GLCCI1: variants seen among roughly 807,000 people sequenced by gnomAD.
GLCCI1 encodes the protein glucocorticoid induced 1, also known as glucocorticoid-induced transcript 1 protein.
A neutral mutation model predicts 52.2 loss-of-function variants in GLCCI1; 24 were observed. The ratio of observed to expected loss-of-function variants is 0.46; its 90% confidence interval spans 0.33 to 0.65. GLCCI1 has a LOEUF of 0.65. Among genes scored for constraint, GLCCI1 ranks in the 30% least tolerant of loss-of-function variants. GLCCI1 has a pLI of 0.02. For synonymous variants in GLCCI1, 310 were observed against 276.5 expected (o/e 1.12, Z -1.20); for missense variants, 704 against 701.5 (o/e 1.00, Z -0.04).
At chr7:8,060,324 C>G (rs779122326) in intron 5 of GLCCI1, 76 bp downstream of exon 5, 29 of 1,170,324 alleles carry the variant, frequency 2.5e-5, no homozygotes, top group Non-Finnish European at 3.5e-5. Flanking sequence ...TTCTTGGTAA[C>G]AGCTTTGTTA....
intron 3 of GLCCI1, among the ~76,000 whole-genome samples, chr7:8,040,053 CAG>C (rs1220073388): frequency 6.7e-6 from 1 of 149,434 alleles, no homozygotes; most frequent in African/African-American, 2.5e-5. Flanking sequence ...ATCCATGTAA[CAG>C]AACTGCACTT....
At chr7:8,041,750 C>G (rs1355914780) in intron 3 of GLCCI1, among the ~76,000 whole-genome samples, 2 of 152,070 alleles carry the variant, frequency 1.3e-5, no homozygotes, top group African/African-American at 4.8e-5. Flanking sequence ...ACCACCACAC[C>G]CAGCTAATTG....
rs554870609 is a variant in GLCCI1 at position 7,982,394 on chromosome 7, G to A, written c.457+12587G>A. On this transcript the variant is annotated intron_variant, in intron 1 of 7. Transcript: ENST00000223145. The stretch of plus-strand genomic sequence containing the variant: ...ATACTGATTATATAGGGCACTGAAA[G>A]AACTCAACATTTTCTTTGTATACTT... Among the ~76,000 whole-genome samples the A allele has an allele frequency of 1.0e-3, 153 of 152,206 alleles. 1 individual carries two copies. The highest frequency in any genetic ancestry group is 1.2e-3 in the Non-Finnish European group (82 of 67,992).
At chr7:8,021,702 C>T (rs1781496409) in intron 2 of GLCCI1, among the ~76,000 whole-genome samples, 1 of 152,304 alleles carries the variant, frequency 6.6e-6, no homozygotes, top group Admixed American at 6.5e-5. Context: ...CATGCTCAGC[C>T]TATTGTTTAA....
At chr7:7,978,198 C>T (rs1037269026) in intron 1 of GLCCI1, among the ~76,000 whole-genome samples, 1 of 152,134 alleles carries the variant, frequency 6.6e-6, no homozygotes, top group East Asian at 1.9e-4. Context: ...CTTCCTTTCA[C>T]ATGAAATTTC....
chr7:8,079,539 TTTAA>T (rs1232697636), intron 6 of GLCCI1, among the ~76,000 whole-genome samples: 1 of 151,592 alleles, frequency 6.6e-6, no homozygotes, highest in Admixed American at 6.5e-5. Context: ...TGTTTTCATT[TTTAA>T]TTGTCATATC....
intron 3 of GLCCI1, among the ~76,000 whole-genome samples, chr7:8,040,394 G>A (rs977320290): frequency 6.6e-6 from 1 of 151,980 alleles, no homozygotes; most frequent in African/African-American, 2.4e-5. Flanking sequence ...GTTGAGACAG[G>A]TGGATTGCTT....
chr7:8,029,190 G>A (rs913546785), intron 3 of GLCCI1, among the ~76,000 whole-genome samples: 2 of 152,098 alleles, frequency 1.3e-5, no homozygotes, highest in Admixed American at 6.6e-5. Context: ...GAATATGGAT[G>A]CAAAAATCCT....
chr7:8,085,029 CTTTT>C lies in GLCCI1; in HGVS notation c.1298+15_1298+18del, dbSNP rs1172312895. On this transcript the variant is annotated intron_variant, in intron 7 of 7. Transcript: ENST00000223145. Reference sequence around the variant, plus strand: ...TTTGAGGAAATGGCGTAAGTAATGTCTTTTTTGTCAGCTGGGATCTGCAAAGCTG... The same window carrying C: ...TTTGAGGAAATGGCGTAAGTAATGTCTTGTCAGCTGGGATCTGCAAAGCTG... The C allele has an allele frequency of 6.2e-7, 1 of 1,613,264 alleles. No homozygotes were observed. The highest frequency in any genetic ancestry group is 1.7e-5 in the Admixed American group (1 of 59,818).
chr7:7,980,701 C>G (rs1766025228), intron 1 of GLCCI1: 4 of 740,910 alleles, frequency 5.4e-6, no homozygotes, highest in Non-Finnish European at 9.4e-6. Flanking sequence ...TGACAGTGAT[C>G]AACATGGATC....
Position 8,012,432 on chromosome 7 carries a change from C to CTTT in GLCCI1, c.609+8401_609+8403dup, listed in dbSNP as rs71014746. On this transcript the variant is annotated intron_variant, in intron 2 of 7. Transcript: ENST00000223145. ...CCATTCTGTGGGTTGCCTTTTTATT[C>CTTT]TTTTTTTTTTTTTTTTTTTTTTTTT... 7.4e-4 allele frequency among the ~76,000 whole-genome samples: 52 copies of CTTT among 70,394 alleles called. 7 individuals are homozygous for CTTT. Among genetic ancestry groups the CTTT allele is most frequent in the Admixed American group, 5.6e-3 (26 of 4,602 alleles). The allele number at this position is 70,394 out of a possible 152,430, so 46.2% of individuals were successfully genotyped here.
At chr7:8,069,243 C>G (rs773112991) in intron 5 of GLCCI1, among the ~76,000 whole-genome samples, 1 of 152,068 alleles carries the variant, frequency 6.6e-6, no homozygotes. Context: ...AGAACTGCTG[C>G]CAGTCGGTGT....
rs185784762 is a variant in GLCCI1, at chr7:7,969,109, G to C, written c.-242G>C. 4.2e-4 allele frequency: 95 copies of C among 228,710 alleles called. No homozygotes were observed. The East Asian group carries it at 0.01, about 24-fold the overall frequency. The allele number at this position is 228,710 out of a possible 1,614,324, so 14.2% of individuals were successfully genotyped here. A position where few individuals can be genotyped will look rare whatever the true frequency, so the allele number is the denominator to read the frequency against. Reference sequence around the variant, plus strand: ...GCCCCGGCCGTGACCGCCACACCGAGCCCAGCCGGGCGGTTGCGGCCGTTG... The same window carrying C: ...GCCCCGGCCGTGACCGCCACACCGACCCCAGCCGGGCGGTTGCGGCCGTTG... On this transcript the variant is annotated 5_prime_UTR_variant, in exon 1 of 8. Coordinates refer to ENST00000223145, the MANE Select transcript of GLCCI1 (RefSeq NM_138426.4). This position sits in a 1 kb window ranked among gnomAD's most constrained non-coding sequence, Gnocchi z 4.9.
chr7:8,046,058 G>A (rs1782117418), intron 3 of GLCCI1, among the ~76,000 whole-genome samples: 1 of 151,902 alleles, frequency 6.6e-6, no homozygotes, highest in African/African-American at 2.4e-5. Flanking sequence ...GAATGAAAAG[G>A]GGCCACTTGC....
At chr7:7,980,886 C>A in intron 1 of GLCCI1, 1 of 637,354 alleles carries the variant, frequency 1.6e-6, no homozygotes, top group Non-Finnish European at 2.9e-6. Context: ...TTTAGATGGT[C>A]CATTTTGATG....
At chr7:8,049,379 A>T (rs1219317312) in intron 3 of GLCCI1, among the ~76,000 whole-genome samples, 1 of 152,200 alleles carries the variant, frequency 6.6e-6, no homozygotes, top group Non-Finnish European at 1.5e-5. Context: ...CTGGACCTAC[A>T]AGATAATAGT....
In GLCCI1 at chr7:8,026,654, C is replaced by G. The variant is rs538383305; in HGVS notation, c.696+4085C>G. On this transcript the variant is annotated intron_variant, in intron 3 of 7. Transcript: ENST00000223145. ...AGCGACTGGGGAACTTTACACTGAA[C>G]TCAGTACTGCCATATCACAGTGAAG... Among the ~76,000 whole-genome samples, 278 of 152,372 alleles carry G rather than the reference C, an allele frequency of 1.8e-3. 1 individual carries two copies. Among genetic ancestry groups the G allele is most frequent in the Non-Finnish European group, 2.5e-3 (171 of 68,038 alleles).
At chr7:8,061,343 G>A (rs544675666) in intron 5 of GLCCI1, among the ~76,000 whole-genome samples, 7 of 152,126 alleles carry the variant, frequency 4.6e-5, no homozygotes, top group South Asian at 2.1e-4. Context: ...CTCGTGATCC[G>A]TCCACCTCGG....
chr7:8,048,448 G>A (rs538109982), intron 3 of GLCCI1, among the ~76,000 whole-genome samples: 4 of 151,934 alleles, frequency 2.6e-5, no homozygotes, highest in Non-Finnish European at 5.9e-5. Context: ...GTTTAATACA[G>A]GGAGTTTAGA....
Sources: allele counts gnomAD v4.1 joint callset (sites outside exome capture counted in the v4.1 genomes callset), GRCh38; gene constraint gnomAD v4.1.1; non-coding constraint Gnocchi (gnomAD v3.1); transcripts MANE v1.5; gene names NCBI Gene and HGNC (gene_info 2026-07-23, HGNC 2026-07-21).